CMTR1: variants seen among roughly 807,000 people sequenced by gnomAD.
The protein encoded by CMTR1 is cap methyltransferase 1, also known as cap-specific mRNA (nucleoside-2'-O-)-methyltransferase 1.
A neutral mutation model predicts 107.0 loss-of-function variants in CMTR1; 39 were observed. The observed-to-expected ratio is 0.36, with a 90% confidence interval of 0.28 to 0.48. CMTR1 has a LOEUF of 0.48. Among genes scored for constraint, CMTR1 ranks in the 20% least tolerant of loss-of-function variants. The pLI, the probability that CMTR1 is intolerant of heterozygous loss-of-function variation, is 0.99. For missense variants in CMTR1, 672 were observed against 1,064.9 expected, an observed-to-expected ratio of 0.63 and a Z score of 5.14; for synonymous variants, 366 against 379.5, an observed-to-expected ratio of 0.96 and a Z score of 0.41.
intron 1 of CMTR1, among the ~76,000 whole-genome samples, chr6:37,434,196 C>T (rs1435961923): frequency 5.9e-5 from 9 of 152,018 alleles, no homozygotes; most frequent in African/African-American, 2.2e-4. Context: ...TTCCCTGGGA[C>T]AGCCCCTGCC....
At chr6:37,438,110 C>T (rs190030724) in intron 2 of CMTR1, among the ~76,000 whole-genome samples, 10 of 152,086 alleles carry the variant, frequency 6.6e-5, no homozygotes, top group Admixed American at 2.0e-4. Flanking sequence ...CTGGGCATGG[C>T]GGCTTATGCC....
At chr6:37,475,482 C>A in intron 19 of CMTR1, 70 bp downstream of exon 19, 2 of 1,313,654 alleles carry the variant, frequency 1.5e-6, no homozygotes, top group Non-Finnish European at 1.1e-6. Context: ...AGCGGCCTCC[C>A]GAGGTGTGGC....
At position 37,450,269 on chromosome 6, in the gene CMTR1, G is replaced by A. The variant is rs923138361; in HGVS notation, c.463G>A (p.Val155Met). 1.9e-6 allele frequency: 3 copies of A among 1,614,010 alleles called. No homozygotes were observed. Among genetic ancestry groups the A allele is most frequent in the Non-Finnish European group, 2.5e-6 (3 of 1,179,986 alleles). ...DEPEPSACEQ[V>M]SWFPECTTEI... ...TTTGCAGCCCAGTGCTTGTGAGCAG[G>A]TGTCATGGTTTCCAGAATGTACCAC... The change falls in exon 5 of 24, where the codon GTG becomes ATG. Residue 155 changes from valine (V) to methionine (M), a missense_variant. Physicochemically the swap from Val to Met is conservative, Grantham distance 21. Transcript: ENST00000373451.
intron 19 of CMTR1, 181 bp downstream of exon 19, chr6:37,475,593 C>A (rs746412068): frequency 1.6e-6 from 1 of 612,798 alleles, no homozygotes; most frequent in African/African-American, 1.8e-5. Context: ...GTTGCCACTT[C>A]AGAGTTTGCT....
In CMTR1 at chr6:37,451,818, A is replaced by T; in HGVS notation, c.550A>T (p.Ile184Phe). 3 of 1,613,336 alleles carry T rather than the reference A, an allele frequency of 1.9e-6. No homozygotes were observed. The highest frequency in any genetic ancestry group is 2.5e-6 in the Non-Finnish European group (3 of 1,179,524). The change falls in exon 6 of 24, where the codon ATT (isoleucine) becomes TTT (phenylalanine). Residue 184 changes from isoleucine (I) to phenylalanine (F), a missense_variant. Physicochemically the swap from Ile to Phe is conservative, Grantham distance 21. Around this residue, in one of 2 missense-constraint regions of CMTR1, gnomAD observed 583 missense variants for 968.4 expected, o/e 0.60. Coordinates refer to ENST00000373451, the MANE Select transcript of CMTR1 (RefSeq NM_015050.3). ...WMVVGKRKMI[I>F]EDETEFCGEE... Reference sequence around the variant, plus strand: ...TTTCTCCCTGTAGAGAAAGATGATTATTGAAGATGAAACAGAGTTTTGTGG... The same window carrying T: ...TTTCTCCCTGTAGAGAAAGATGATTTTTGAAGATGAAACAGAGTTTTGTGG...
In CMTR1 at chr6:37,475,404, T is replaced by C; in HGVS notation, c.2028T>C (p.Phe676=). The C allele has an allele frequency of 6.5e-7, 1 of 1,543,648 alleles. No individual in the cohort carries two copies. The highest frequency in any genetic ancestry group is 8.9e-7 in the Non-Finnish European group (1 of 1,127,972). ...GCACCGACGTTCGGGAGCAGCACTT[T>C]AACCAGCGGTCTGACCTGGGCCCCA... The part of the protein sequence containing the change: ...LNGTDVREQH[F]NQRIQLAEKF... Residue 676 remains phenylalanine, a synonymous_variant, in exon 19 of 24, where the codon TTT becomes TTC. Transcript: ENST00000373451.
Position 37,453,142 on chromosome 6 carries a change from G to A in CMTR1, c.704+1G>A. ...TCCGAGGAGTCTTCTTTCTAAACAG[G>A]TTTGCTGACATTTCCCTCCCCTCCC... On this transcript the variant is annotated splice_donor_variant, in intron 7 of 23. Coordinates refer to ENST00000373451, the MANE Select transcript of CMTR1 (RefSeq NM_015050.3). LOFTEE classifies it high-confidence loss of function. 1 of 1,614,120 alleles carries A rather than the reference G, an allele frequency of 6.2e-7. No homozygotes were observed. The highest frequency in any genetic ancestry group is 8.5e-7 in the Non-Finnish European group (1 of 1,180,008).
intron 21 of CMTR1, 90 bp downstream of exon 21, chr6:37,477,729 C>CG: frequency 5.0e-6 from 2 of 396,956 alleles, no homozygotes; most frequent in Non-Finnish European, 8.6e-6. Flanking sequence ...TAAGATGGGT[C>CG]GGGGGCGGGG....
At chr6:37,470,339 G>T (rs1761599345) in intron 13 of CMTR1, among the ~76,000 whole-genome samples, 1 of 151,888 alleles carries the variant, frequency 6.6e-6, no homozygotes, top group South Asian at 2.1e-4. Context: ...GTAGAGACGG[G>T]GTTTCACCGT....
the CMTR1 span, among the ~76,000 whole-genome samples, chr6:37,426,217 C>CT: frequency 6.6e-6 from 1 of 151,984 alleles, no homozygotes; most frequent in Non-Finnish European, 1.5e-5. Flanking sequence ...TCCTTTAGTT[C>CT]TTTGAGCATC....
chr6:37,477,284 CAG>C (rs1273076912), intron 20 of CMTR1, among the ~76,000 whole-genome samples: 2 of 152,206 alleles, frequency 1.3e-5, no homozygotes, highest in Non-Finnish European at 2.9e-5. Flanking sequence ...GGAATGCTGA[CAG>C]AGACATCTTT....
chr6:37,455,148 G>A (rs746785094), intron 8 of CMTR1, among the ~76,000 whole-genome samples: 6 of 151,534 alleles, frequency 4.0e-5, no homozygotes, highest in African/African-American at 9.7e-5. Context: ...GCGATGGCGC[G>A]ATCTCAGCTC....
intron 8 of CMTR1, among the ~76,000 whole-genome samples, chr6:37,457,287 A>T (rs372047134): frequency 1.3e-5 from 2 of 152,148 alleles, no homozygotes; most frequent in East Asian, 3.9e-4. Flanking sequence ...AAATGTAATT[A>T]TGCCAAAATT....
intron 3 of CMTR1, among the ~76,000 whole-genome samples, chr6:37,444,500 T>C (rs1771741528): frequency 6.6e-6 from 1 of 152,156 alleles, no homozygotes; most frequent in Non-Finnish European, 1.5e-5. Flanking sequence ...TTTGCTCTAG[T>C]GAGTGGTGTC....
At chr6:37,457,621 T>A (rs927010194) in intron 8 of CMTR1, among the ~76,000 whole-genome samples, 1 of 152,204 alleles carries the variant, frequency 6.6e-6, no homozygotes, top group Non-Finnish European at 1.5e-5. Context: ...TGGTGTAAGG[T>A]GTTAACAAAA....
At chr6:37,473,325 G>A in intron 16 of CMTR1, 145 bp from the exon 17 acceptor site, 1 of 798,966 alleles carries the variant, frequency 1.3e-6, no homozygotes, top group Non-Finnish European at 2.0e-6. Context: ...GCACAGTTAG[G>A]TAGAGAAGGG....
intron 10 of CMTR1, 58 bp downstream of exon 10, chr6:37,459,742 G>A (rs1033684898): frequency 7.9e-7 from 1 of 1,270,208 alleles, no homozygotes; most frequent in Non-Finnish European, 1.2e-6. Flanking sequence ...TTAGAGGTTT[G>A]AGAATTGTTT....
At chr6:37,461,432 A>G (rs549156169) in intron 10 of CMTR1, 117 bp from the exon 11 acceptor site, 6 of 590,400 alleles carry the variant, frequency 1.0e-5, no homozygotes, top group East Asian at 2.8e-5. Context: ...TTCTTCATCA[A>G]TCAGATGGTG....
upstream of CMTR1, among the ~76,000 whole-genome samples, chr6:37,432,932 T>A (rs1771414532): frequency 6.6e-6 from 1 of 152,266 alleles, no homozygotes; most frequent in African/African-American, 2.4e-5. Flanking sequence ...AACTTGTTCT[T>A]AGTCTGTAAA....
Sources: allele counts gnomAD v4.1 joint callset (sites outside exome capture counted in the v4.1 genomes callset), GRCh38; gene constraint gnomAD v4.1.1; regional missense constraint gnomAD v4.1.1; transcripts MANE v1.5; gene names NCBI Gene and HGNC (gene_info 2026-07-23, HGNC 2026-07-21).